Variants in RNF166 observed in about 807,000 individuals in gnomAD.
The protein encoded by RNF166 is ring finger protein 166, also known as E3 ubiquitin-protein ligase RNF166.
RNF166 carries 19 observed loss-of-function variants against 29.4 expected under a neutral mutation model. The observed-to-expected ratio is 0.65, with a 90% CI of 0.45 to 0.95. RNF166 has a LOEUF of 0.95. Among genes scored for constraint, RNF166 ranks in the 40% least tolerant of loss-of-function variants. The probability of loss-of-function intolerance (pLI) is 0.00; values close to 1 mark genes in which losing one functional copy is unlikely to be tolerated. For synonymous variants in RNF166, 171 were observed against 134.5 expected (o/e 1.27, Z -1.88); for missense variants, 347 against 322.1 (o/e 1.08, Z -0.59).
chr16:88,704,924 A>G (rs1310675006), intron 1 of RNF166, among the ~76,000 whole-genome samples: 1 of 152,160 alleles, frequency 6.6e-6, no homozygotes, highest in Non-Finnish European at 1.5e-5. Flanking sequence ...CAGGAGATGG[A>G]GGTTGCGGTG....
At position 88,699,094 on chromosome 16, in the gene RNF166, G is replaced by T; in HGVS notation, c.426-9C>A. ...ACCTGTTGGGGATGTTGCTGGCGGGGCGGGGGTAGAGTGAGTGGCACGGCT... is the reference window on the plus strand; with the variant it reads ...ACCTGTTGGGGATGTTGCTGGCGGGTCGGGGGTAGAGTGAGTGGCACGGCT... On this transcript the variant is annotated splice_polypyrimidine_tract_variant and intron_variant, in intron 3 of 5. Transcript: ENST00000312838. 1 of 1,585,244 alleles carries T rather than the reference G, an allele frequency of 6.3e-7. No homozygotes were observed. Among genetic ancestry groups the T allele is most frequent in the Non-Finnish European group, 8.6e-7 (1 of 1,161,374 alleles).
At chr16:88,701,072 C>G (rs1486975839) in intron 2 of RNF166, 190 bp downstream of exon 2, 2 of 1,310,710 alleles carry the variant, frequency 1.5e-6, no homozygotes, top group African/African-American at 1.5e-5. Context: ...TCAGCCGTCA[C>G]CACAGGAAGT....
chr16:88,704,477 C>G (rs1910566467), intron 1 of RNF166: 2 of 985,354 alleles, frequency 2.0e-6, no homozygotes, highest in South Asian at 9.4e-5. Context: ...GTTATGGAAA[C>G]TACATTTTAG....
intron 1 of RNF166, chr16:88,703,001 C>T (rs7350860): frequency 0.27 from 265,636 of 985,172 alleles, 36,316 homozygotes; most frequent in Non-Finnish European, 0.28. Flanking sequence ...GAAGAGACGG[C>T]GTGGCGTGCA....
chr16:88,700,818 C>T, intron 2 of RNF166: 1 of 1,051,236 alleles, frequency 9.5e-7, no homozygotes, highest in Non-Finnish European at 1.2e-6. Context: ...TGCCCATCAG[C>T]CCGGCTCTGG....
chr16:88,703,071 G>A (rs1375398420), intron 1 of RNF166: 20 of 985,434 alleles, frequency 2.0e-5, no homozygotes, highest in Admixed American at 6.1e-5. Flanking sequence ...GCACCGGAAG[G>A]CCTGGAAAAC....
chr16:88,699,287 G>C (rs1362048413), intron 3 of RNF166, among the ~76,000 whole-genome samples: 1 of 152,234 alleles, frequency 6.6e-6, no homozygotes, highest in Admixed American at 6.5e-5. Flanking sequence ...CACACAACTA[G>C]GCCAGCCAAA....
rs1910812672 is a variant in RNF166 at position 88,706,392 on chromosome 16, C to T, written c.-67G>A. 3 of 1,213,560 alleles carry T rather than the reference C, an allele frequency of 2.5e-6. No individual in the cohort carries two copies. The highest frequency in any genetic ancestry group is 3.3e-5 in the East Asian group (1 of 29,874). The allele number at this position is 1,213,560 out of a possible 1,614,324, so 75.2% of individuals were successfully genotyped here. ...CCCGGGCCGGCCCGCTAGTCACAGC[C>T]GCTACTGCGCCGCGCTGACGTCATC... On this transcript the variant is annotated 5_prime_UTR_variant, in exon 1 of 6. Coordinates refer to ENST00000312838, the MANE Select transcript of RNF166 (RefSeq NM_178841.4).
chr16:88,696,833 GAC>G lies in RNF166; in HGVS notation c.*733_*734del. The G allele has an allele frequency of 3.0e-6, 1 of 334,170 alleles. No individual in the cohort carries two copies. Among genetic ancestry groups the G allele is most frequent in the Non-Finnish European group, 5.7e-6 (1 of 174,016 alleles). The allele number at this position is 334,170 out of a possible 1,614,324, so 20.7% of individuals were successfully genotyped here. ...GAAACGTACAAACCTCAAGGACCCA[GAC>G]ACACAGTGGGTGGCCAGGGCAGACC... On this transcript the variant is annotated 3_prime_UTR_variant, in exon 6 of 6. Coordinates refer to ENST00000312838, the MANE Select transcript of RNF166 (RefSeq NM_178841.4).
At chr16:88,701,939 C>G (rs555060648) in intron 1 of RNF166, among the ~76,000 whole-genome samples, 2 of 152,354 alleles carry the variant, frequency 1.3e-5, no homozygotes, top group South Asian at 2.1e-4. Context: ...GGCAGCACAT[C>G]CTGAGGCTGG....
chr16:88,703,724 G>A (rs1007517197), intron 1 of RNF166: 27 of 985,398 alleles, frequency 2.7e-5, no homozygotes, highest in Non-Finnish European at 3.0e-5. Flanking sequence ...GTGTGGGGGC[G>A]TCGACAGCCT....
chr16:88,698,374 A>G, intron 5 of RNF166, 128 bp downstream of exon 5: 1 of 789,950 alleles, frequency 1.3e-6, no homozygotes, highest in East Asian at 2.7e-5. Flanking sequence ...GAATGTGGCC[A>G]CCTGAAACGA....
intron 1 of RNF166, chr16:88,704,545 G>C: frequency 2.0e-6 from 2 of 985,456 alleles, no homozygotes; most frequent in South Asian, 9.4e-5. Flanking sequence ...TAGGAAAGTG[G>C]AGATGCTGTG....
chr16:88,704,275 G>A (rs1188133194), intron 1 of RNF166: 1 of 985,358 alleles, frequency 1.0e-6, no homozygotes, highest in African/African-American at 1.7e-5. Context: ...GAAGCAGAGA[G>A]AGAACAGCCA....
At chr16:88,706,144 C>T in intron 1 of RNF166, 27 bp downstream of exon 1, 4 of 1,156,206 alleles carry the variant, frequency 3.5e-6, no homozygotes, top group South Asian at 7.9e-5. Flanking sequence ...GGCCCCCTCC[C>T]CGCGGCCCCT....
Position 88,703,506 on chromosome 16 carries a change from G to A in RNF166, c.156-2088C>T, listed in dbSNP as rs112433808. The A allele has an allele frequency of 8.0e-4, 784 of 985,370 alleles. 3 individuals carry two copies. The African/African-American group carries it at 9.7e-3, about 12-fold the overall frequency. The allele number at this position is 985,370 out of a possible 1,614,324, so 61.0% of individuals were successfully genotyped here. On this transcript the variant is annotated intron_variant, in intron 1 of 5. Coordinates refer to ENST00000312838, the MANE Select transcript of RNF166 (RefSeq NM_178841.4). ...GGGAACCCAGCCCGACTGGCAGGGCGGCTGGGCCCGAGGAGCAGGAGGCAG... is the reference window on the plus strand; with the variant it reads ...GGGAACCCAGCCCGACTGGCAGGGCAGCTGGGCCCGAGGAGCAGGAGGCAG...
intron 1 of RNF166, 86 bp from the exon 2 acceptor site, chr16:88,701,504 G>T: frequency 7.7e-7 from 1 of 1,305,062 alleles, no homozygotes; most frequent in Non-Finnish European, 1.0e-6. Context: ...TTAGGACCCA[G>T]CATTTGTGGG....
At chr16:88,703,541 C>T in intron 1 of RNF166, 5 of 985,380 alleles carry the variant, frequency 5.1e-6, no homozygotes, top group Non-Finnish European at 6.0e-6. Flanking sequence ...GAACGAGGCA[C>T]CCACAGGGTG....
rs573012072 is a variant in RNF166 at position 88,698,657 on chromosome 16, G to A, written c.541-48C>T. On this transcript the variant is annotated intron_variant, in intron 4 of 5. Coordinates refer to ENST00000312838, the MANE Select transcript of RNF166 (RefSeq NM_178841.4). The stretch of plus-strand genomic sequence containing the variant: ...GCCGAGCCGGACCGCGGAGAGGCGG[G>A]GTAGCCGCAGTAGGACTGGGGGCCC... 8 of 1,398,610 alleles carry A rather than the reference G, an allele frequency of 5.7e-6. No individual in the cohort carries two copies. The East Asian group carries it at 7.5e-5, about 13-fold the overall frequency. The allele number at this position is 1,398,610 out of a possible 1,614,324, so 86.6% of individuals were successfully genotyped here.
Sources: gnomAD v4.1 joint callset for allele counts (sites outside exome capture counted in the v4.1 genomes callset) on GRCh38, gnomAD v4.1.1 for gene constraint, MANE v1.5 for transcripts, NCBI Gene and HGNC (gene_info 2026-07-23, HGNC 2026-07-21) for gene names.